The following GFRA1 variants were observed in gnomAD, a reference collection of about 807,000 sequenced individuals.
GFRA1 encodes GDNF family receptor alpha-1.
Under a neutral mutation model 51.6 loss-of-function variants are expected in GFRA1, and 16 were observed. That is an observed-to-expected ratio of 0.31 (90% CI 0.21 to 0.47). The LOEUF is 0.47. Ranked by LOEUF, GFRA1 falls within the 20% of genes least tolerant of loss-of-function variation. GFRA1 has a pLI of 1.00. For synonymous variants in GFRA1, 270 were observed against 241.3 expected (o/e 1.12, Z -1.10); for missense variants, 530 against 594.3 (o/e 0.89, Z 1.13).
intron 6 of GFRA1, among the ~76,000 whole-genome samples, chr10:116,111,416 G>C (rs370622783): frequency 6.6e-6 from 1 of 152,140 alleles, no homozygotes; most frequent in East Asian, 1.9e-4. Context: ...CCCTTCCAGT[G>C]GTCCCCACAG....
rs181403770 is a variant in GFRA1, at chr10:116,107,990, C to T, written c.771-11226G>A. Among the ~76,000 whole-genome samples, 234 of 152,088 alleles carry T rather than the reference C, an allele frequency of 1.5e-3. 1 individual carries two copies. The highest frequency in any genetic ancestry group is 3.9e-3 in the African/African-American group (162 of 41,458). On this transcript the variant is annotated intron_variant, in intron 6 of 10. Transcript: ENST00000355422. ...CTCTGGGTGCATAAGCCCCAAGTTC[C>T]GTGCCTTGGAATATTAATTTACCTT... is the stretch of plus-strand genomic sequence containing the variant.
At chr10:116,250,882 C>T (rs1048746125) in intron 4 of GFRA1, among the ~76,000 whole-genome samples, 2 of 152,212 alleles carry the variant, frequency 1.3e-5, no homozygotes, top group African/African-American at 4.8e-5. Context: ...CAGGCTCCCA[C>T]CTTACTAGCT....
chr10:116,163,785 G>A (rs917664668), intron 5 of GFRA1, among the ~76,000 whole-genome samples: 36 of 152,122 alleles, frequency 2.4e-4, no homozygotes, highest in Admixed American at 2.0e-3. Context: ...CACACTCTCC[G>A]CCAGTGCTGG....
intron 4 of GFRA1, among the ~76,000 whole-genome samples, chr10:116,251,453 A>C (rs779159470): frequency 3.9e-5 from 6 of 152,178 alleles, no homozygotes; most frequent in Non-Finnish European, 8.8e-5. Flanking sequence ...CCCCCACGAG[A>C]CACTGATGCA....
chr10:116,258,102 C>T (rs1969018412), intron 4 of GFRA1, among the ~76,000 whole-genome samples: 1 of 152,132 alleles, frequency 6.6e-6, no homozygotes, highest in African/African-American at 2.4e-5. Context: ...GGGTTCTACT[C>T]ATTCATCATA....
intron 5 of GFRA1, among the ~76,000 whole-genome samples, chr10:116,132,844 C>T (rs1958160435): frequency 6.6e-6 from 1 of 152,072 alleles, no homozygotes; most frequent in Admixed American, 6.5e-5. Context: ...GAGTCAAAGC[C>T]AGCCCTCCAT....
intron 3 of GFRA1, among the ~76,000 whole-genome samples, chr10:116,270,287 C>A (rs1318120999): frequency 6.6e-6 from 1 of 152,180 alleles, no homozygotes; most frequent in East Asian, 1.9e-4. Flanking sequence ...CTCAGCTAAT[C>A]TAAGATGACA....
intron 6 of GFRA1, among the ~76,000 whole-genome samples, chr10:116,116,670 T>G (rs1234769319): frequency 6.6e-6 from 1 of 152,204 alleles, no homozygotes; most frequent in Admixed American, 6.5e-5. Flanking sequence ...TGGAAGGGTA[T>G]TTTTTTCCTA....
chr10:116,146,739 A>G (rs552748541), intron 5 of GFRA1, among the ~76,000 whole-genome samples: 5 of 152,360 alleles, frequency 3.3e-5, no homozygotes, highest in South Asian at 2.1e-4. Flanking sequence ...AGATGCTCAC[A>G]TATCTGAGAC....
chr10:116,223,915 A>T (rs189853246), intron 4 of GFRA1, among the ~76,000 whole-genome samples: 9 of 152,312 alleles, frequency 5.9e-5, no homozygotes, highest in African/African-American at 2.2e-4. Context: ...TACAGAGCTT[A>T]AAAAATGTTA....
At chr10:116,078,650 G>T (rs901424119) in intron 9 of GFRA1, among the ~76,000 whole-genome samples, 5 of 152,178 alleles carry the variant, frequency 3.3e-5, no homozygotes, top group Non-Finnish European at 7.3e-5. Context: ...ATTACGCAGA[G>T]AAAACGCTGG....
At chr10:116,085,521 A>G (rs1052728545) in intron 9 of GFRA1, among the ~76,000 whole-genome samples, 12 of 151,806 alleles carry the variant, frequency 7.9e-5, no homozygotes, top group Non-Finnish European at 1.8e-4. Context: ...TAGGACCCCC[A>G]TCCTCCTCCC....
At chr10:116,157,356 AG>A (rs1161282525) in intron 5 of GFRA1, among the ~76,000 whole-genome samples, 4 of 152,354 alleles carry the variant, frequency 2.6e-5, no homozygotes, top group African/African-American at 9.6e-5. Flanking sequence ...CAGAAGGGGC[AG>A]AAACACTGCT....
intron 5 of GFRA1, among the ~76,000 whole-genome samples, chr10:116,137,978 T>G (rs892789693): frequency 1.3e-5 from 2 of 152,122 alleles, no homozygotes; most frequent in African/African-American, 4.8e-5. Context: ...ATTTTTTGTA[T>G]TTTTAGTAGA....
At chr10:116,137,420 A>G (rs902457146) in intron 5 of GFRA1, among the ~76,000 whole-genome samples, 54 of 152,150 alleles carry the variant, frequency 3.5e-4, no homozygotes, top group African/African-American at 1.3e-3. Flanking sequence ...AAAGAGCATA[A>G]AATTCAATGC....
At chr10:116,074,155 C>T (rs1388951766) in intron 9 of GFRA1, among the ~76,000 whole-genome samples, 1 of 152,092 alleles carries the variant, frequency 6.6e-6, no homozygotes, top group African/African-American at 2.4e-5. Flanking sequence ...GGGGTGTGCT[C>T]CCCTTTCGTA....
chr10:116,265,166 A>G (rs1489518995), intron 4 of GFRA1, among the ~76,000 whole-genome samples: 1 of 152,174 alleles, frequency 6.6e-6, no homozygotes, highest in African/African-American at 2.4e-5. Flanking sequence ...TTGGGAACGA[A>G]TCTGGAGATC....
chr10:116,089,173 G>T (rs1451669678), intron 9 of GFRA1, among the ~76,000 whole-genome samples: 1 of 152,124 alleles, frequency 6.6e-6, no homozygotes, highest in African/African-American at 2.4e-5. Flanking sequence ...CACATGCGGG[G>T]GTTTGCAGGG....
At chr10:116,189,012 T>C (rs751683020) in intron 5 of GFRA1, among the ~76,000 whole-genome samples, 1 of 150,338 alleles carries the variant, frequency 6.7e-6, no homozygotes, top group Non-Finnish European at 1.5e-5. Context: ...CCCAGCACTT[T>C]GGGAGGCTGG....
Sources: gnomAD v4.1 joint callset for allele counts (sites outside exome capture counted in the v4.1 genomes callset) on GRCh38, gnomAD v4.1.1 for gene constraint, MANE v1.5 for transcripts, NCBI Gene and HGNC (gene_info 2026-07-23, HGNC 2026-07-21) for gene names.